SAMSN1: variants seen among roughly 807,000 people sequenced by gnomAD.
The protein encoded by SAMSN1 is SAM domain, SH3 domain and nuclear localization signals 1, also known as SAM domain-containing protein SAMSN-1.
A neutral mutation model predicts 42.0 loss-of-function variants in SAMSN1; 31 were observed. The ratio of observed to expected loss-of-function variants is 0.74; its 90% CI spans 0.55 to 1.00. The LOEUF is 1.00. Among genes scored for constraint, SAMSN1 ranks in the 50% least tolerant of loss-of-function variants. SAMSN1 has a pLI of 0.00. For missense variants in SAMSN1, 464 were observed against 439.4 expected, an observed-to-expected ratio of 1.06 and a Z score of -0.50; for synonymous variants, 178 against 151.9, an observed-to-expected ratio of 1.17 and a Z score of -1.26.
intron 1 of SAMSN1, among the ~76,000 whole-genome samples, chr21:14,530,168 T>A (rs1979153726): frequency 6.6e-6 from 1 of 151,808 alleles, no homozygotes; most frequent in African/African-American, 2.4e-5. Context: ...TACAAAAAAA[T>A]TAGCCGGGCG....
rs866197316 is a variant in SAMSN1, at chr21:14,626,921, T to C, written c.157-10905A>G. ...GACTGGATTAAGAAAATATGGCACA[T>C]ATACACCATGGAATACTATGCAGCC... On this transcript the variant is annotated intron_variant, in intron 2 of 15. Coordinates refer to the SAMSN1 transcript ENST00000647101. Among the ~76,000 whole-genome samples, 125 of 152,244 alleles carry C rather than the reference T, an allele frequency of 8.2e-4. No homozygotes were observed. The Middle Eastern group carries it at 0.01, about 12-fold the overall frequency.
chr21:14,520,674 C>T (rs1225120565), intron 2 of SAMSN1, among the ~76,000 whole-genome samples: 4 of 152,152 alleles, frequency 2.6e-5, no homozygotes, highest in African/African-American at 7.2e-5. Context: ...ACTGATGATC[C>T]TGGATGAAGC....
At position 14,536,246 on chromosome 21, in the gene SAMSN1, A is replaced by C. The variant is rs77401151; in HGVS notation, c.57+9959T>G. 2.7e-4 allele frequency among the ~76,000 whole-genome samples: 41 copies of C among 152,362 alleles called. 5 individuals are homozygous for C. Among genetic ancestry groups the C allele is most frequent in the Admixed American group, 1.3e-3 (20 of 15,304 alleles). On this transcript the variant is annotated intron_variant, in intron 1 of 7. Transcript: ENST00000400566. ...TGTAAAAACAAACAAACAAAAAAAA[A>C]CACAGTTTTCAGGGATTTTGAAACT...
chr21:14,654,510 G>A (rs913198366), intron 1 of SAMSN1, among the ~76,000 whole-genome samples: 1 of 151,936 alleles, frequency 6.6e-6, no homozygotes, highest in African/African-American at 2.4e-5. Context: ...GCATGCAATC[G>A]ATGTCCTCTA....
intron 3 of SAMSN1, among the ~76,000 whole-genome samples, chr21:14,615,155 G>A (rs567872583): frequency 2.9e-4 from 44 of 152,174 alleles, no homozygotes; most frequent in African/African-American, 1.0e-3. Flanking sequence ...ACTCCACCTC[G>A]TGCTTCAAAT....
intron 5 of SAMSN1, among the ~76,000 whole-genome samples, chr21:14,607,989 T>C (rs542349652): frequency 2.6e-5 from 4 of 152,320 alleles, no homozygotes; most frequent in East Asian, 1.9e-4. Flanking sequence ...TGGATGCATA[T>C]AGCTGGCATC....
intron 2 of SAMSN1, among the ~76,000 whole-genome samples, chr21:14,623,524 AAAG>A (rs1350221796): frequency 6.6e-6 from 1 of 152,234 alleles, no homozygotes; most frequent in Non-Finnish European, 1.5e-5. Context: ...CGAAAGAGAC[AAAG>A]AAGACCATTA....
At chr21:14,488,322 T>C (rs1354279597) in intron 7 of SAMSN1, among the ~76,000 whole-genome samples, 4 of 152,160 alleles carry the variant, frequency 2.6e-5, no homozygotes, top group South Asian at 2.1e-4. Flanking sequence ...TCCCTTCACA[T>C]TGATATCCTA....
intron 1 of SAMSN1, among the ~76,000 whole-genome samples, chr21:14,649,080 C>T (rs933174679): frequency 1.3e-5 from 2 of 151,990 alleles, no homozygotes; most frequent in African/African-American, 4.8e-5. Context: ...CCATGGAATA[C>T]TATGCAGCCA....
At chr21:14,506,023 GAAC>G (rs976665480) in intron 5 of SAMSN1, among the ~76,000 whole-genome samples, 12 of 152,220 alleles carry the variant, frequency 7.9e-5, no homozygotes, top group African/African-American at 2.9e-4. Context: ...TCTTTGAACT[GAAC>G]AACAATAGTG....
rs569073731 is a variant in SAMSN1, at chr21:14,579,469, G to T, written c.261+2667C>A. Reference sequence around the variant, plus strand: ...TATCTATAACTGGATTTATTAGAATGAGGAAAGCTTTGGCTATAAGAACAG... The same window carrying T: ...TATCTATAACTGGATTTATTAGAATTAGGAAAGCTTTGGCTATAAGAACAG... On this transcript the variant is annotated intron_variant, in intron 2 of 8. Coordinates refer to the SAMSN1 transcript ENST00000285670. Among the ~76,000 whole-genome samples the T allele has an allele frequency of 3.3e-5, 5 of 152,258 alleles. No homozygotes were observed. In the South Asian group the frequency reaches 1.0e-3, roughly 32 times the overall value.
rs146312107 is a variant in SAMSN1 at position 14,524,556 on chromosome 21, T to C, written c.58-3335A>G. Among the ~76,000 whole-genome samples the C allele has an allele frequency of 1.7e-3, 262 of 152,296 alleles. 1 individual carries two copies. In the Middle Eastern group the frequency reaches 0.024, roughly 14 times the overall value. The stretch of plus-strand genomic sequence containing the variant: ...ATACCTATAAAGGGAAATTTGGCAA[T>C]ATCTAGCAAAATTACATATACATTT... On this transcript the variant is annotated intron_variant, in intron 1 of 7. Coordinates refer to ENST00000400566, the MANE Select transcript of SAMSN1 (RefSeq NM_022136.5).
Position 14,577,263 on chromosome 21 carries a change from TATATATATATATATA to T in SAMSN1, c.261+4858_261+4872del, listed in dbSNP as rs1568816095. Among the ~76,000 whole-genome samples the T allele has an allele frequency of 2.7e-3, 125 of 46,378 alleles. 4 individuals carry two copies. Among genetic ancestry groups the T allele is most frequent in the Non-Finnish European group, 4.1e-3 (107 of 25,970 alleles). 30.4% of individuals were successfully genotyped at this position (46,378 alleles called of 152,430 possible). A position where few individuals can be genotyped will look rare whatever the true frequency, so the allele number is the denominator to read the frequency against. Reference sequence around the variant, plus strand: ...GTATATATATATATATATATATATATATATATATATATATATATATATTTTTTTTTTAGAAGAGAC... The same window carrying T: ...GTATATATATATATATATATATATATTATATATTTTTTTTTTAGAAGAGAC... On this transcript the variant is annotated intron_variant, in intron 2 of 8. Coordinates refer to the SAMSN1 transcript ENST00000285670.
intron 2 of SAMSN1, among the ~76,000 whole-genome samples, chr21:14,630,526 A>G (rs1350675340): frequency 6.6e-6 from 1 of 152,186 alleles, no homozygotes; most frequent in South Asian, 2.1e-4. Context: ...TTATTTTAAC[A>G]TAAGTCTCTA....
upstream of SAMSN1, among the ~76,000 whole-genome samples, chr21:14,588,255 T>C (rs1219064681): frequency 2.7e-5 from 3 of 111,026 alleles, no homozygotes; most frequent in Non-Finnish European, 3.9e-5. Context: ...CCTTTGGGTA[T>C]ATACCCAGTA....
At chr21:14,652,638 T>C (rs186480224) in intron 1 of SAMSN1, among the ~76,000 whole-genome samples, 2 of 152,112 alleles carry the variant, frequency 1.3e-5, no homozygotes, top group East Asian at 3.9e-4. Flanking sequence ...AAAGGATTTC[T>C]TGAGCAATTC....
Position 14,485,784 on chromosome 21 carries a change from G to T in SAMSN1, c.*128C>A, listed in dbSNP as rs1986406698. Reference sequence around the variant, plus strand: ...ACAAAATTTTATGTACAATTATTCAGATTAAAACATTTAAACTTTAGGTTT... The same window carrying T: ...ACAAAATTTTATGTACAATTATTCATATTAAAACATTTAAACTTTAGGTTT... On this transcript the variant is annotated 3_prime_UTR_variant, in exon 8 of 8. Transcript: ENST00000400566. The T allele has an allele frequency of 7.1e-6, 5 of 702,048 alleles. No homozygotes were observed. Among genetic ancestry groups the T allele is most frequent in the Non-Finnish European group, 9.6e-6 (4 of 415,944 alleles). The allele number at this position is 702,048 out of a possible 1,614,324, so 43.5% of individuals were successfully genotyped here. A position where few individuals can be genotyped will look rare whatever the true frequency, so the allele number is the denominator to read the frequency against.
In SAMSN1 at chr21:14,609,356, T is replaced by G. The variant is rs1334612522; in HGVS notation, c.322+126A>C. On this transcript the variant is annotated intron_variant, in intron 5 of 15. Transcript: ENST00000647101. ...GCATATTCTATTCTATCTTATTTGGTTTTCCTTTTTAAGTAGACCATAATG... is the reference window on the plus strand; with the variant it reads ...GCATATTCTATTCTATCTTATTTGGGTTTCCTTTTTAAGTAGACCATAATG... The G allele has an allele frequency of 4.7e-6, 3 of 635,532 alleles. No individual in the cohort carries two copies. The African/African-American group carries it at 5.5e-5, about 12-fold the overall frequency. The allele number at this position is 635,532 out of a possible 1,614,324, so 39.4% of individuals were successfully genotyped here. A position where few individuals can be genotyped will look rare whatever the true frequency, so the allele number is the denominator to read the frequency against.
At chr21:14,618,687 TGTGTGCGC>T (rs762203405) in intron 2 of SAMSN1, among the ~76,000 whole-genome samples, 2,960 of 30,004 alleles carry the variant, frequency 0.099, 48 homozygotes, top group Non-Finnish European at 0.14. Context: ...TGTGTGTGTG[TGTGTGCGC>T]GCGCGCGCAC....
Sources: gnomAD v4.1 joint callset for allele counts (sites outside exome capture counted in the v4.1 genomes callset) on GRCh38, gnomAD v4.1.1 for gene constraint, MANE v1.5 for transcripts, NCBI Gene and HGNC (gene_info 2026-07-23, HGNC 2026-07-21) for gene names.